Variants in KALRN observed in about 807,000 individuals in gnomAD.
KALRN encodes the protein kalirin.
KALRN carries 70 observed loss-of-function variants against 353.7 expected under a neutral mutation model. That is an observed-to-expected ratio of 0.20 (90% CI 0.16 to 0.24). The LOEUF is 0.24. Among genes scored for constraint, KALRN ranks in the 10% least tolerant of loss-of-function variants. The probability of loss-of-function intolerance (pLI) is 1.00; values close to 1 mark genes in which losing one functional copy is unlikely to be tolerated. For synonymous variants in KALRN, 1,391 were observed against 1,434.8 expected (o/e 0.97, Z 0.69); for missense variants, 2,791 against 3,756.7 (o/e 0.74, Z 6.72).
intron 6 of KALRN, among the ~76,000 whole-genome samples, chr3:124,317,815 A>G (rs2078960821): frequency 6.6e-6 from 1 of 151,854 alleles, no homozygotes; most frequent in Non-Finnish European, 1.5e-5. Context: ...CTCTAATTTC[A>G]ACCTTAAAGG....
At chr3:124,683,618 AAGTC>A in intron 51 of KALRN, among the ~76,000 whole-genome samples, 1 of 152,240 alleles carries the variant, frequency 6.6e-6, no homozygotes, top group Non-Finnish European at 1.5e-5. Flanking sequence ...GTAGCAGAGA[AAGTC>A]AGTTCATCAG....
intron 1 of KALRN, among the ~76,000 whole-genome samples, chr3:124,066,881 C>T (rs1321762498): frequency 5.9e-5 from 9 of 152,164 alleles, no homozygotes; most frequent in African/African-American, 1.9e-4. Context: ...ACAGTTTTCT[C>T]CAACCCCACT....
intron 5 of KALRN, among the ~76,000 whole-genome samples, chr3:124,294,198 C>T (rs1319022091): frequency 6.6e-6 from 1 of 151,920 alleles, no homozygotes; most frequent in East Asian, 1.9e-4. Context: ...TCTACAGCTG[C>T]CCTTTCAGCT....
rs550448148 is a variant in KALRN at position 124,257,659 on chromosome 3, G to A, written c.264-6839G>A. On this transcript the variant is annotated intron_variant, in intron 3 of 59. Coordinates refer to ENST00000682506, the MANE Select transcript of KALRN (RefSeq NM_001388419.1). Reference sequence around the variant, plus strand: ...ATTTATCACAAAGGGTGAGAACCTGGCCAAGGGGGCCTCAGGGGACCCATG... The same window carrying A: ...ATTTATCACAAAGGGTGAGAACCTGACCAAGGGGGCCTCAGGGGACCCATG... 6.6e-5 allele frequency among the ~76,000 whole-genome samples: 10 copies of A among 152,198 alleles called. 1 individual carries two copies. In the South Asian group the frequency reaches 2.1e-3, roughly 32 times the overall value.
At chr3:124,692,645 A>G (rs568425241) in intron 51 of KALRN, among the ~76,000 whole-genome samples, 212 of 152,358 alleles carry the variant, frequency 1.4e-3, no homozygotes, top group South Asian at 2.5e-3. Flanking sequence ...GATTAAAATG[A>G]GATCATCTTT....
intron 10 of KALRN, among the ~76,000 whole-genome samples, chr3:124,366,357 C>T (rs1322972235): frequency 6.8e-6 from 1 of 146,702 alleles, no homozygotes; most frequent in African/African-American, 2.5e-5. Context: ...TGCGGCCTTC[C>T]GCAGTGTTTG....
At chr3:124,673,232 A>T (rs1157806658) in intron 48 of KALRN, among the ~76,000 whole-genome samples, 1 of 15,648 alleles carries the variant, frequency 6.4e-5, no homozygotes, top group East Asian at 0.013. Flanking sequence ...TAAAACTTTA[A>T]AAAAAAAAAA....
At chr3:124,377,733 A>G (rs919318903) in intron 10 of KALRN, among the ~76,000 whole-genome samples, 17 of 152,170 alleles carry the variant, frequency 1.1e-4, no homozygotes, top group African/African-American at 4.1e-4. Flanking sequence ...TAGAAGCATA[A>G]CTGTTTAGGG....
At chr3:124,143,856 T>C (rs2066944843) in intron 1 of KALRN, among the ~76,000 whole-genome samples, 1 of 152,160 alleles carries the variant, frequency 6.6e-6, no homozygotes, top group Non-Finnish European at 1.5e-5. Context: ...AAGTGGGGCA[T>C]ATATCCTAAA....
chr3:124,588,679 GCCT>G (rs151246290), intron 34 of KALRN, among the ~76,000 whole-genome samples: 44,662 of 151,898 alleles, frequency 0.29, 7,282 homozygotes, highest in Middle Eastern at 0.4. Flanking sequence ...ACTCCCCTCG[GCCT>G]CCCAAAGTAC....
chr3:124,187,623 A>G (rs547320887), intron 1 of KALRN, among the ~76,000 whole-genome samples: 1 of 152,290 alleles, frequency 6.6e-6, no homozygotes, highest in African/African-American at 2.4e-5. Flanking sequence ...GCCAGGAGAA[A>G]CCCAGTTGTT....
intron 1 of KALRN, chr3:124,094,835 G>A: frequency 6.2e-7 from 1 of 1,613,926 alleles, no homozygotes; most frequent in Non-Finnish European, 8.5e-7. Flanking sequence ...AGTTCAGGGT[G>A]GGATGACGGA....
intron 37 of KALRN, among the ~76,000 whole-genome samples, chr3:124,641,558 G>A (rs1165412060): frequency 6.6e-6 from 1 of 152,158 alleles, no homozygotes; most frequent in Non-Finnish European, 1.5e-5. Context: ...TAGTCTACTT[G>A]GGGTTCTCTT....
chr3:124,683,322 A>C (rs2061423336), intron 51 of KALRN, among the ~76,000 whole-genome samples: 1 of 152,178 alleles, frequency 6.6e-6, no homozygotes, highest in African/African-American at 2.4e-5. Flanking sequence ...TCACGTGTTC[A>C]GGGTCAGCAT....
At chr3:124,614,662 C>T (rs751439545) in intron 34 of KALRN, among the ~76,000 whole-genome samples, 1 of 151,952 alleles carries the variant, frequency 6.6e-6, no homozygotes, top group African/African-American at 2.4e-5. Context: ...CCTCAACCTC[C>T]TGGGCTCAGG....
intron 57 of KALRN, among the ~76,000 whole-genome samples, chr3:124,703,221 C>T (rs1482126157): frequency 3.9e-5 from 6 of 152,124 alleles, no homozygotes; most frequent in Non-Finnish European, 4.4e-5. Flanking sequence ...CAATATCATT[C>T]ACTGCCTTCC....
intron 48 of KALRN, among the ~76,000 whole-genome samples, chr3:124,672,921 T>C (rs560655413): frequency 6.6e-6 from 1 of 152,332 alleles, no homozygotes; most frequent in South Asian, 2.1e-4. Context: ...TTATTTCTCC[T>C]CAAAATTATT....
At chr3:124,215,185 G>A (rs13070454) in intron 1 of KALRN, among the ~76,000 whole-genome samples, 7,450 of 152,208 alleles carry the variant, frequency 0.049, 323 homozygotes, top group East Asian at 0.18. Context: ...CAATCAGCTG[G>A]GCAGCTGGTC....
At position 124,398,868 on chromosome 3, in the gene KALRN, C is replaced by T. The variant is rs759820743; in HGVS notation, c.2343C>T (p.Ile781=). The change falls in exon 13 of 60, where the codon ATC becomes ATT. Residue 781 remains isoleucine, a synonymous_variant. Transcript: ENST00000682506. ...TGCGCATCTTTGAGCAGTACACCAT[C>T]GAGGTAGCAGGGGGCCAGGAGGGGA... ...LQLRIFEQYT[I]EVTAELDAWN... 1.7e-5 allele frequency: 28 copies of T among 1,603,316 alleles called. No homozygotes were observed. Among genetic ancestry groups the T allele is most frequent in the African/African-American group, 6.7e-5 (5 of 74,754 alleles).
Sources: gnomAD v4.1 joint callset for allele counts (sites outside exome capture counted in the v4.1 genomes callset) on GRCh38, gnomAD v4.1.1 for gene constraint, MANE v1.5 for transcripts, NCBI Gene and HGNC (gene_info 2026-07-23, HGNC 2026-07-21) for gene names.